TOP3A: variants seen among roughly 807,000 people sequenced by gnomAD.
TOP3A encodes DNA topoisomerase 3-alpha.
TOP3A carries 64 observed loss-of-function variants against 111.3 expected under a neutral mutation model. The observed-to-expected ratio is 0.57, with a 90% confidence interval of 0.47 to 0.71. The LOEUF (loss-of-function observed/expected upper bound fraction) is 0.71. Among genes scored for constraint, TOP3A ranks in the 30% least tolerant of loss-of-function variants. The probability of loss-of-function intolerance (pLI) is 0.00; values close to 1 mark genes in which losing one functional copy is unlikely to be tolerated. For synonymous variants in TOP3A, 484 were observed against 485.1 expected, an observed-to-expected ratio of 1.00 and a Z score of 0.03; for missense variants, 1,104 against 1,285.0, an observed-to-expected ratio of 0.86 and a Z score of 2.15.
rs188719247 is a variant in TOP3A, at chr17:18,290,045, A to G, written c.1597+512T>C. The stretch of plus-strand genomic sequence containing the variant: ...TTATCAGCAGGGTCCTGGCACATAC[A>G]TGAGGCCAGCGTGAGCAGCCTGAGT... On this transcript the variant is annotated intron_variant, in intron 13 of 18. Coordinates refer to ENST00000321105, the MANE Select transcript of TOP3A (RefSeq NM_004618.5). Among the ~76,000 whole-genome samples the G allele has an allele frequency of 2.4e-4, 37 of 152,344 alleles. No homozygotes were observed. In the East Asian group the frequency reaches 5.6e-3, roughly 23 times the overall value.
intron 18 of TOP3A, among the ~76,000 whole-genome samples, chr17:18,276,225 C>A (rs1034769863): frequency 6.6e-6 from 1 of 152,200 alleles, no homozygotes; most frequent in Non-Finnish European, 1.5e-5. Context: ...CGGCAACCTG[C>A]GGCCCACCTC....
Position 18,290,920 on chromosome 17 carries a change from T to C in TOP3A, c.1389A>G (p.Glu463=), listed in dbSNP as rs771920089. The part of the protein sequence containing the change: ...ETTVEIDIAQ[E]RFVAHGLMIL... ...TCATGAGGCCATGGGCCACAAAGCGTTCCTGAGCGATGTCGATCTCCACTG... is the reference window on the plus strand; with the variant it reads ...TCATGAGGCCATGGGCCACAAAGCGCTCCTGAGCGATGTCGATCTCCACTG... Residue 463 remains glutamate, a synonymous_variant, in exon 12 of 19, where the codon GAA becomes GAG. Transcript: ENST00000321105. The C allele has an allele frequency of 6.2e-6, 10 of 1,614,158 alleles. No individual in the cohort carries two copies. Among genetic ancestry groups the C allele is most frequent in the Non-Finnish European group, 8.5e-6 (10 of 1,180,034 alleles).
intron 1 of TOP3A, among the ~76,000 whole-genome samples, chr17:18,309,443 G>C (rs1472735894): frequency 2.0e-5 from 3 of 152,022 alleles, no homozygotes; most frequent in Non-Finnish European, 4.4e-5. Flanking sequence ...AGGAGTCCGA[G>C]ACCAGCCTGG....
chr17:18,294,827 G>C, intron 9 of TOP3A, 42 bp from the exon 10 acceptor site: 1 of 1,340,772 alleles, frequency 7.5e-7, no homozygotes. Context: ...TACTGCATGG[G>C]TCAGGCAGCA....
chr17:18,282,125 T>C (rs16961060), intron 16 of TOP3A, among the ~76,000 whole-genome samples: 4,586 of 152,210 alleles, frequency 0.03, 219 homozygotes, highest in African/African-American at 0.098. Flanking sequence ...AGATCTACTA[T>C]ATTTAAAGCG....
chr17:18,296,076 A>AT (rs1289207662), intron 9 of TOP3A, among the ~76,000 whole-genome samples: 1 of 152,046 alleles, frequency 6.6e-6, no homozygotes, highest in Non-Finnish European at 1.5e-5. Flanking sequence ...CGAAATCTAC[A>AT]TTTTTTAACA....
chr17:18,309,404 A>T (rs914275475), intron 1 of TOP3A, among the ~76,000 whole-genome samples: 6 of 152,174 alleles, frequency 3.9e-5, no homozygotes, highest in African/African-American at 1.4e-4. Context: ...ACACTTTGGG[A>T]GGCTGAGACA....
chr17:18,274,935 A>T lies in TOP3A; in HGVS notation c.2873T>A (p.Leu958Gln), dbSNP rs1979241104. The change falls in exon 19 of 19, where the codon CTG becomes CAG. Residue 958 changes from leucine to glutamine, a missense_variant. Physicochemically the swap from Leu to Gln is moderately radical, Grantham distance 113 (BLOSUM62 -2). Transcript: ENST00000321105. The part of the protein sequence containing the change: ...PSWTGDRGRT[L>Q]ESEARSKRPR... ...CCTTTTGCTTCTGGCTTCCGACTCC[A>T]GGGTTCTTCCTCTGTCTCCTGTCCA... 6.2e-7 allele frequency: 1 copy of T among 1,613,966 alleles called. No individual in the cohort carries two copies. The highest frequency in any genetic ancestry group is 8.5e-7 in the Non-Finnish European group (1 of 1,180,034).
In TOP3A at chr17:18,314,925, G is replaced by A. The variant is rs1982165886; in HGVS notation, c.-147C>T. The A allele has an allele frequency of 2.0e-5, 6 of 306,566 alleles. 1 individual carries two copies. In the South Asian group the frequency reaches 2.6e-4, roughly 13 times the overall value. 19.0% of individuals were successfully genotyped at this position (306,566 alleles called of 1,614,324 possible). ...CAGCCTGCTGGCCTTTGGAGCTTCA[G>A]TCACTGAGCCTTTCCCGTGCCGCAG... On this transcript the variant is annotated 5_prime_UTR_variant, in exon 1 of 19. Transcript: ENST00000321105.
At chr17:18,307,571 C>G (rs1054362010) in intron 3 of TOP3A, 1 of 151,530 alleles carries the variant, frequency 6.6e-6, no homozygotes, top group African/African-American at 2.4e-5. Flanking sequence ...GCACTCCAGC[C>G]TAGGCGACAG....
chr17:18,305,050 C>T (rs1981467623), intron 5 of TOP3A, 62 bp downstream of exon 5: 2 of 1,429,684 alleles, frequency 1.4e-6, no homozygotes, highest in Non-Finnish European at 2.0e-6. Context: ...CACATATAAA[C>T]AAGAACACTC....
chr17:18,308,120 G>A (rs1272647103), intron 3 of TOP3A, among the ~76,000 whole-genome samples: 1 of 149,060 alleles, frequency 6.7e-6, no homozygotes, highest in Non-Finnish European at 1.5e-5. Context: ...GGTGAGGCAG[G>A]AGAATCACTC....
rs114716474 is a variant in TOP3A at position 18,303,198 on chromosome 17, C to A, written c.500-475G>T. On this transcript the variant is annotated intron_variant, in intron 5 of 18. Coordinates refer to ENST00000321105, the MANE Select transcript of TOP3A (RefSeq NM_004618.5). ...TAAAAATGTGTTTGCAGGCAGTACG[C>A]TTTGTGAAAGTCATCGCCATTCTCC... 7.6e-3 allele frequency: 1,161 copies of A among 152,788 alleles called. 10 individuals are homozygous for A. Among genetic ancestry groups the A allele is most frequent in the Middle Eastern group, 0.038 (11 of 292 alleles). The allele number at this position is 152,788 out of a possible 1,614,324, so 9.5% of individuals were successfully genotyped here.
At chr17:18,300,463 T>C (rs1461869149) in intron 8 of TOP3A, among the ~76,000 whole-genome samples, 1 of 151,946 alleles carries the variant, frequency 6.6e-6, no homozygotes, top group African/African-American at 2.4e-5. Context: ...ACCAGCTTCA[T>C]AGTTTACATC....
chr17:18,296,803 C>CT (rs949845382), intron 9 of TOP3A, among the ~76,000 whole-genome samples: 12 of 152,138 alleles, frequency 7.9e-5, no homozygotes, highest in African/African-American at 2.9e-4. Context: ...TAAGTGGTGA[C>CT]TGAGAAGGCA....
rs761536752 is a variant in TOP3A, at chr17:18,277,926, G to A, written c.2576C>T (p.Pro859Leu). ...ADSPNPGAGG[P>L]PALAYRPLGA... ...CAGGGGTCTATATGCCAAGGCAGGAGGCCCTCCTGCTCCCGGATTGGGGCT... is the reference window on the plus strand; with the variant it reads ...CAGGGGTCTATATGCCAAGGCAGGAAGCCCTCCTGCTCCCGGATTGGGGCT... Residue 859 changes from proline (P) to leucine (L), a missense_variant, in exon 18 of 19, where the codon CCT becomes CTT. Physicochemically the swap from Pro to Leu is moderately conservative, Grantham distance 98. Transcript: ENST00000321105. 2.5e-6 allele frequency: 4 copies of A among 1,613,960 alleles called. No homozygotes were observed. The highest frequency in any genetic ancestry group is 3.3e-5 in the Admixed American group (2 of 60,034).
At chr17:18,287,953 G>A (rs4925161) in intron 13 of TOP3A, among the ~76,000 whole-genome samples, 3,889 of 151,216 alleles carry the variant, frequency 0.026, 169 homozygotes, top group African/African-American at 0.084. Context: ...AGCAGAGATT[G>A]TGCCACTCCA....
Position 18,314,810 on chromosome 17 carries a change from G to A in TOP3A, c.-32C>T. 1.4e-6 allele frequency: 2 copies of A among 1,479,718 alleles called. No individual in the cohort carries two copies. Among genetic ancestry groups the A allele is most frequent in the Non-Finnish European group, 1.8e-6 (2 of 1,111,786 alleles). 91.7% of individuals were successfully genotyped at this position (1,479,718 alleles called of 1,614,324 possible). A position where few individuals can be genotyped will look rare whatever the true frequency, so the allele number is the denominator to read the frequency against. ...ACCTCGCGCCCGGAGCCGCTCCCCGGCTGCCGGCGCATCCTGGGGAAGCCA... is the reference window on the plus strand; with the variant it reads ...ACCTCGCGCCCGGAGCCGCTCCCCGACTGCCGGCGCATCCTGGGGAAGCCA... On this transcript the variant is annotated 5_prime_UTR_variant, in exon 1 of 19. Transcript: ENST00000321105.
chr17:18,304,524 A>C (rs147018008), intron 5 of TOP3A, among the ~76,000 whole-genome samples: 88 of 152,280 alleles, frequency 5.8e-4, no homozygotes, highest in Admixed American at 2.0e-3. Context: ...AAGTTACCCA[A>C]AACCATTAAC....
Sources: allele counts gnomAD v4.1 joint callset (sites outside exome capture counted in the v4.1 genomes callset), GRCh38; gene constraint gnomAD v4.1.1; transcripts MANE v1.5; gene names NCBI Gene and HGNC (gene_info 2026-07-23, HGNC 2026-07-21).